The following SYT17 variants were observed in gnomAD, a reference collection of about 807,000 sequenced individuals.
The protein encoded by SYT17 is synaptotagmin-17.
A neutral mutation model predicts 46.7 loss-of-function variants in SYT17; 22 were observed. The ratio of observed to expected loss-of-function variants is 0.47; its 90% CI spans 0.34 to 0.67. The LOEUF (loss-of-function observed/expected upper bound fraction) is 0.67. Among genes scored for constraint, SYT17 ranks in the 30% least tolerant of loss-of-function variants. SYT17 has a pLI of 0.01. For missense variants in SYT17, 519 were observed against 612.8 expected (o/e 0.85, Z 1.62); for synonymous variants, 251 against 248.4 (o/e 1.01, Z -0.10).
chr16:19,173,349 T>G, intron 2 of SYT17, 81 bp from the exon 3 acceptor site: 1 of 928,500 alleles, frequency 1.1e-6, no homozygotes, highest in Non-Finnish European at 1.6e-6. Context: ...ATTTTGGGTG[T>G]TGTTTCTCCT....
At chr16:19,249,978 T>A (rs751196609) in intron 7 of SYT17, 1 of 1,536,058 alleles carries the variant, frequency 6.5e-7, no homozygotes, top group Middle Eastern at 1.7e-4. Context: ...AACTGAGTAG[T>A]CACCCAGCTC....
At chr16:19,242,640 C>T (rs1444552306) in intron 7 of SYT17, among the ~76,000 whole-genome samples, 2 of 152,136 alleles carry the variant, frequency 1.3e-5, no homozygotes, top group African/African-American at 4.8e-5. Context: ...ATCCTCTCAC[C>T]TCAGCCTCCT....
intron 2 of SYT17, chr16:19,173,091 C>T (rs988123615): frequency 3.2e-5 from 18 of 557,926 alleles, no homozygotes; most frequent in African/African-American, 7.6e-5. Context: ...CATTGTGTTT[C>T]GAACATATCG....
chr16:19,267,188 C>A lies in SYT17; in HGVS notation c.*112C>A. The A allele has an allele frequency of 1.1e-6, 1 of 870,904 alleles. No individual in the cohort carries two copies. The highest frequency in any genetic ancestry group is 1.7e-6 in the Non-Finnish European group (1 of 588,188). 53.9% of individuals were successfully genotyped at this position (870,904 alleles called of 1,614,324 possible). On this transcript the variant is annotated 3_prime_UTR_variant, in exon 8 of 8. Coordinates refer to ENST00000355377, the MANE Select transcript of SYT17 (RefSeq NM_016524.4). Reference sequence around the variant, plus strand: ...TGCATACACACTCGCAACATGTCTACACACGTCCACACACACAGACACACA... The same window carrying A: ...TGCATACACACTCGCAACATGTCTAAACACGTCCACACACACAGACACACA...
At chr16:19,172,377 G>A in intron 1 of SYT17, 1 of 1,399,010 alleles carries the variant, frequency 7.1e-7, no homozygotes, top group Non-Finnish European at 9.2e-7. Context: ...GTCCTTTTGG[G>A]TTGGCTACAT....
intron 3 of SYT17, chr16:19,180,154 A>G: frequency 2.1e-6 from 1 of 485,382 alleles, no homozygotes. Flanking sequence ...AAATTATGCA[A>G]GTTCTTGACA....
intron 5 of SYT17, among the ~76,000 whole-genome samples, chr16:19,208,291 T>C (rs1268550893): frequency 2.0e-5 from 3 of 152,140 alleles, no homozygotes; most frequent in South Asian, 2.1e-4. Flanking sequence ...TCTGCAATTA[T>C]TGGAGGTGTA....
At chr16:19,229,878 G>C (rs1966619402) in intron 7 of SYT17, among the ~76,000 whole-genome samples, 1 of 152,204 alleles carries the variant, frequency 6.6e-6, no homozygotes, top group Non-Finnish European at 1.5e-5. Flanking sequence ...ACTCAGTCTT[G>C]AGTAGGAAGG....
intron 7 of SYT17, among the ~76,000 whole-genome samples, chr16:19,249,012 C>T (rs1009783848): frequency 1.3e-5 from 2 of 152,148 alleles, no homozygotes; most frequent in South Asian, 2.1e-4. Flanking sequence ...TGGTGGCTCA[C>T]GCCTGTAATC....
chr16:19,247,033 C>A (rs961082391), intron 7 of SYT17, among the ~76,000 whole-genome samples: 1 of 152,098 alleles, frequency 6.6e-6, no homozygotes, highest in Non-Finnish European at 1.5e-5. Context: ...GGGAAGGTGA[C>A]CTTTGATCCT....
intron 7 of SYT17, among the ~76,000 whole-genome samples, chr16:19,260,239 C>T (rs113329520): frequency 0.071 from 10,752 of 150,396 alleles, 512 homozygotes; most frequent in Non-Finnish European, 0.1. Flanking sequence ...CCTGTAATCC[C>T]GACACTTTGA....
At chr16:19,191,888 G>T (rs1199873350) in intron 5 of SYT17, among the ~76,000 whole-genome samples, 1 of 152,044 alleles carries the variant, frequency 6.6e-6, no homozygotes, top group Non-Finnish European at 1.5e-5. Flanking sequence ...GGGTTCAAGT[G>T]ATTCTCCTGC....
At chr16:19,265,536 C>T (rs1969297337) in intron 7 of SYT17, among the ~76,000 whole-genome samples, 4 of 152,210 alleles carry the variant, frequency 2.6e-5, no homozygotes, top group African/African-American at 9.7e-5. Context: ...CAGGGGAGAA[C>T]AGAGGCTCAT....
intron 7 of SYT17, among the ~76,000 whole-genome samples, chr16:19,226,335 C>G (rs991613905): frequency 6.6e-6 from 1 of 152,170 alleles, no homozygotes; most frequent in Admixed American, 6.5e-5. Context: ...TAACTGGAAA[C>G]TCTCCTCTGG....
At position 19,223,227 on chromosome 16, in the gene SYT17, A is replaced by G. The variant is rs188916064; in HGVS notation, c.1072+62A>G. On this transcript the variant is annotated intron_variant, in intron 6 of 7. Coordinates refer to ENST00000355377, the MANE Select transcript of SYT17 (RefSeq NM_016524.4). The stretch of plus-strand genomic sequence containing the variant: ...TGGGGCATCTGTGTTTGTGTGGAGA[A>G]CCCAGTTTTCTTTTTCCGTATCCTG... The G allele has an allele frequency of 1.0e-3, 1,615 of 1,582,500 alleles. 12 individuals are homozygous for G. The highest frequency in any genetic ancestry group is 3.9e-4 in the Non-Finnish European group (455 of 1,159,558).
At chr16:19,182,523 C>T (rs554102593) in intron 4 of SYT17, among the ~76,000 whole-genome samples, 3 of 152,316 alleles carry the variant, frequency 2.0e-5, no homozygotes, top group South Asian at 2.1e-4. Flanking sequence ...TTCTGGCTTG[C>T]GTTATCTTTC....
rs1274736899 is a variant in SYT17 at position 19,183,018 on chromosome 16, C to T, written c.332-510C>T. ...ACATGGCTCACTGGTAATGAGTACA[C>T]GAGTAGTGAGTAAGTGGCTGAGATG... On this transcript the variant is annotated intron_variant, in intron 4 of 7. Coordinates refer to ENST00000355377, the MANE Select transcript of SYT17 (RefSeq NM_016524.4). This position sits in a 1 kb window ranked among gnomAD's most constrained non-coding sequence, Gnocchi z 5.6. 6.6e-6 allele frequency among the ~76,000 whole-genome samples: 1 copy of T among 152,140 alleles called. No individual in the cohort carries two copies. Among genetic ancestry groups the T allele is most frequent in the Non-Finnish European group, 1.5e-5 (1 of 68,028 alleles).
chr16:19,169,565 C>CCT (rs985388736), intron 1 of SYT17, among the ~76,000 whole-genome samples: 1 of 152,244 alleles, frequency 6.6e-6, no homozygotes, highest in Non-Finnish European at 1.5e-5. Flanking sequence ...TGCTGCTGGT[C>CCT]CTCCCATTCC....
chr16:19,178,805 T>C (rs1183464652), intron 3 of SYT17, among the ~76,000 whole-genome samples: 5 of 152,280 alleles, frequency 3.3e-5, no homozygotes, highest in South Asian at 4.1e-4. Context: ...CAAAACGACG[T>C]CACCAGCTGT....
Sources: gnomAD v4.1 joint callset for allele counts (sites outside exome capture counted in the v4.1 genomes callset) on GRCh38, gnomAD v4.1.1 for gene constraint, Gnocchi (gnomAD v3.1) non-coding constraint, MANE v1.5 for transcripts, NCBI Gene and HGNC (gene_info 2026-07-23, HGNC 2026-07-21) for gene names.